HNF4A: variants seen among roughly 807,000 people sequenced by gnomAD.
HNF4A encodes the protein hepatocyte nuclear factor 4-alpha.
HNF4A carries 15 observed loss-of-function variants against 52.4 expected under a neutral mutation model. The ratio of observed to expected loss-of-function variants is 0.29; its 90% confidence interval spans 0.19 to 0.44. The LOEUF is 0.44. Ranked by LOEUF, HNF4A falls within the 20% of genes least tolerant of loss-of-function variation. The pLI, the probability that HNF4A is intolerant of heterozygous loss-of-function variation, is 1.00. For missense variants in HNF4A, 479 were observed against 647.2 expected (o/e 0.74, Z 2.82); for synonymous variants, 280 against 264.4 (o/e 1.06, Z -0.57).
At chr20:44,413,845 C>A in intron 4 of HNF4A, 45 bp downstream of exon 4, 1 of 1,301,342 alleles carries the variant, frequency 7.7e-7, no homozygotes, top group South Asian at 1.2e-5. Flanking sequence ...CCCCACACTA[C>A]AGAGGAGCTC....
At chr20:44,409,123 G>A (rs2063545140) in intron 3 of HNF4A, among the ~76,000 whole-genome samples, 2 of 152,130 alleles carry the variant, frequency 1.3e-5, no homozygotes, top group Non-Finnish European at 2.9e-5. Context: ...TGGGCTTGCT[G>A]ATCCCGATGC....
intron 8 of HNF4A, among the ~76,000 whole-genome samples, chr20:44,427,939 G>A (rs979867953): frequency 6.6e-6 from 1 of 152,236 alleles, no homozygotes; most frequent in African/African-American, 2.4e-5. Flanking sequence ...CAGCAGAGAT[G>A]TGGGGGATGA....
intron 1 of HNF4A, among the ~76,000 whole-genome samples, chr20:44,387,327 C>A (rs1357934422): frequency 5.7e-5 from 8 of 140,056 alleles, no homozygotes; most frequent in Admixed American, 1.5e-4. Context: ...GTATTCCAGG[C>A]AGAGGGGAAA....
chr20:44,428,195 T>C, intron 8 of HNF4A, 140 bp from the exon 9 acceptor site: 1 of 841,248 alleles, frequency 1.2e-6, no homozygotes, highest in Non-Finnish European at 2.0e-6. Context: ...CCTAGTTTAC[T>C]AACCCAGGAA....
intron 1 of HNF4A, chr20:44,372,748 AT>A (rs1341314824): frequency 6.6e-6 from 1 of 152,156 alleles, no homozygotes; most frequent in African/African-American, 2.4e-5. Flanking sequence ...ACACAGGTCC[AT>A]CTACAGTGAA....
rs561610063 is a variant in HNF4A at position 44,365,217 on chromosome 20, G to C, written c.49+9364G>C. ...AACAGGGTCTTGCTCTGTCATGTGG[G>C]CTACAGTGAGCCACAATCATGGTTC... On this transcript the variant is annotated intron_variant, in intron 1 of 9. Coordinates refer to the HNF4A transcript ENST00000316673. Among the ~76,000 whole-genome samples the C allele has an allele frequency of 1.1e-4, 16 of 151,988 alleles. 1 individual carries two copies. Among genetic ancestry groups the C allele is most frequent in the African/African-American group, 3.9e-4 (16 of 41,448 alleles).
At chr20:44,362,769 A>G (rs1218885103) in intron 1 of HNF4A, among the ~76,000 whole-genome samples, 3 of 152,082 alleles carry the variant, frequency 2.0e-5, no homozygotes, top group Non-Finnish European at 4.4e-5. Flanking sequence ...CTATTATGTC[A>G]TAATAGCATC....
At chr20:44,363,832 G>A (rs2062943075) in intron 1 of HNF4A, among the ~76,000 whole-genome samples, 1 of 151,234 alleles carries the variant, frequency 6.6e-6, no homozygotes, top group Admixed American at 6.6e-5. Context: ...AAGTAGCTGG[G>A]ATTGCACGTG....
At chr20:44,367,616 G>A (rs1429780386) in intron 1 of HNF4A, among the ~76,000 whole-genome samples, 1 of 148,986 alleles carries the variant, frequency 6.7e-6, no homozygotes, top group African/African-American at 2.5e-5. Flanking sequence ...ACTCCAGCCT[G>A]GTAACAGAGC....
intron 3 of HNF4A, among the ~76,000 whole-genome samples, chr20:44,412,236 A>G (rs1172216167): frequency 6.6e-6 from 1 of 152,182 alleles, no homozygotes; most frequent in Non-Finnish European, 1.5e-5. Context: ...AGAGAGAGAC[A>G]GATAGTAAAG....
intron 1 of HNF4A, chr20:44,390,356 C>G (rs959152386): frequency 1.1e-5 from 5 of 441,548 alleles, no homozygotes; most frequent in African/African-American, 5.9e-5. Flanking sequence ...AGAGCAGGAC[C>G]CAGGAGTCCA....
At chr20:44,391,180 T>C (rs1268466128) in intron 1 of HNF4A, among the ~76,000 whole-genome samples, 1 of 152,134 alleles carries the variant, frequency 6.6e-6, no homozygotes, top group Non-Finnish European at 1.5e-5. Context: ...TCATCGGCCA[T>C]GCTTCCCTCC....
At chr20:44,392,163 A>G (rs915427745) in intron 1 of HNF4A, 10 of 152,180 alleles carry the variant, frequency 6.6e-5, no homozygotes, top group African/African-American at 2.4e-4. Context: ...CAACAATAAT[A>G]GTCTTGGTAG....
intron 2 of HNF4A, among the ~76,000 whole-genome samples, chr20:44,406,645 A>C (rs2063505082): frequency 6.6e-6 from 1 of 152,170 alleles, no homozygotes; most frequent in Non-Finnish European, 1.5e-5. Flanking sequence ...AGGGGCTTCC[A>C]CCAACCCCAA....
chr20:44,390,720 G>A, intron 1 of HNF4A: 1 of 698,236 alleles, frequency 1.4e-6, no homozygotes, highest in South Asian at 1.5e-5. Flanking sequence ...GGAAGGATGG[G>A]ATGGTAGGAG....
intron 5 of HNF4A, among the ~76,000 whole-genome samples, chr20:44,415,131 T>C (rs1213043496): frequency 6.6e-6 from 1 of 152,018 alleles, no homozygotes; most frequent in East Asian, 1.9e-4. Flanking sequence ...GGCAAATGAG[T>C]TCCTCTCTCT....
intron 7 of HNF4A, among the ~76,000 whole-genome samples, chr20:44,422,144 TTC>T (rs1162482009): frequency 1.3e-5 from 2 of 152,064 alleles, no homozygotes; most frequent in Non-Finnish European, 2.9e-5. Context: ...CAATCCCAAT[TTC>T]TCTCTCTCAA....
intron 5 of HNF4A, among the ~76,000 whole-genome samples, chr20:44,415,193 G>A (rs1249395722): frequency 1.3e-5 from 2 of 152,172 alleles, no homozygotes; most frequent in Non-Finnish European, 2.9e-5. Context: ...ATCCACTTTA[G>A]AGTGTGGTTG....
upstream of HNF4A, among the ~76,000 whole-genome samples, chr20:44,397,330 G>A (rs2063361953): frequency 6.6e-6 from 1 of 152,008 alleles, no homozygotes; most frequent in South Asian, 2.1e-4. Context: ...AAATCCCTTG[G>A]AGGAAGGGAA....
Sources: gnomAD v4.1 joint callset for allele counts (sites outside exome capture counted in the v4.1 genomes callset) on GRCh38, gnomAD v4.1.1 for gene constraint, MANE v1.5 for transcripts, NCBI Gene and HGNC (gene_info 2026-07-23, HGNC 2026-07-21) for gene names.